The following COL6A2 variants were observed in gnomAD, a reference collection of about 807,000 sequenced individuals.
COL6A2 encodes the protein collagen type VI alpha 2 chain, also known as collagen alpha-2(VI) chain.
A neutral mutation model predicts 124.9 loss-of-function variants in COL6A2; 90 were observed. The observed-to-expected ratio is 0.72, with a 90% CI of 0.61 to 0.86. COL6A2 has a LOEUF of 0.86. Among genes scored for constraint, COL6A2 ranks in the 40% least tolerant of loss-of-function variants. COL6A2 has a pLI of 0.00. For missense variants in COL6A2, 1,607 were observed against 1,502.5 expected, an observed-to-expected ratio of 1.07 and a Z score of -1.15; for synonymous variants, 793 against 618.2, an observed-to-expected ratio of 1.28 and a Z score of -4.19.
In COL6A2 at chr21:46,132,618, C is replaced by T. The variant is rs568256520; in HGVS notation, c.*66C>T. ...CCCCGTCCATGGTGCTAAGCGGGCC[C>T]GGGTCCCACACGGCCAGCACCGCTG... On this transcript the variant is annotated 3_prime_UTR_variant, in exon 28 of 28. Coordinates refer to ENST00000300527, the MANE Select transcript of COL6A2 (RefSeq NM_001849.4). 1.1e-4 allele frequency: 156 copies of T among 1,450,310 alleles called. No individual in the cohort carries two copies. Among genetic ancestry groups the T allele is most frequent in the Non-Finnish European group, 1.4e-4 (144 of 1,066,572 alleles). 89.8% of individuals were successfully genotyped at this position (1,450,310 alleles called of 1,614,324 possible).
In COL6A2 at chr21:46,121,311, C is replaced by A. The variant is rs577166486; in HGVS notation, c.1458+188C>A. Reference sequence around the variant, plus strand: ...ATACCCACCCTCAGCCCCAGCCCCCCATCCTGCCCTGAAGGACCCAGGTTG... The same window carrying A: ...ATACCCACCCTCAGCCCCAGCCCCCAATCCTGCCCTGAAGGACCCAGGTTG... On this transcript the variant is annotated intron_variant, in intron 17 of 27. Coordinates refer to ENST00000300527, the MANE Select transcript of COL6A2 (RefSeq NM_001849.4). Among the ~76,000 whole-genome samples the A allele has an allele frequency of 5.9e-5, 9 of 152,324 alleles. No individual in the cohort carries two copies. The South Asian group carries it at 8.3e-4, about 14-fold the overall frequency.
intron 1 of COL6A2, among the ~76,000 whole-genome samples, chr21:46,100,365 AT>A (rs1364416449): frequency 3.3e-5 from 5 of 151,878 alleles, no homozygotes; most frequent in African/African-American, 1.2e-4. Context: ...TTTTTTATTG[AT>A]TTGAAAAAGC....
At chr21:46,113,122 C>T (rs780322177) in intron 4 of COL6A2, among the ~76,000 whole-genome samples, 22 of 152,288 alleles carry the variant, frequency 1.4e-4, no homozygotes, top group East Asian at 7.8e-4. Context: ...ACTCGAGGCC[C>T]GAGCCCAGCC....
intron 1 of COL6A2, among the ~76,000 whole-genome samples, chr21:46,109,131 G>A (rs2078367296): frequency 6.6e-6 from 1 of 152,054 alleles, no homozygotes. Flanking sequence ...AGGCCCTCGA[G>A]AGCGTGTCTC....
chr21:46,127,670 C>T lies in COL6A2; in HGVS notation c.2461+1129C>T, dbSNP rs182526406. Among the ~76,000 whole-genome samples the T allele has an allele frequency of 3.7e-3, 569 of 152,184 alleles. 2 individuals carry two copies. The highest frequency in any genetic ancestry group is 6.7e-3 in the Admixed American group (103 of 15,296). ...CGTTCCTGATGGGGCAGGGAAGTCT[C>T]GGGACCCCATGATGGGCGACATGGC... is the stretch of plus-strand genomic sequence containing the variant. On this transcript the variant is annotated intron_variant, in intron 27 of 27. Transcript: ENST00000300527.
chr21:46,129,389 C>A (rs373790588), intron 27 of COL6A2: 1 of 1,612,990 alleles, frequency 6.2e-7, no homozygotes. Context: ...AGTTCGCCAC[C>A]GGGGTAGAGC....
At chr21:46,121,488 G>T in intron 17 of COL6A2, 68 bp from the exon 18 acceptor site, 1 of 1,497,254 alleles carries the variant, frequency 6.7e-7, no homozygotes, top group Non-Finnish European at 9.3e-7. Flanking sequence ...GACGGGGCAT[G>T]TCAGGTGACC....
At chr21:46,098,308 G>C (rs1327057101) in intron 1 of COL6A2, 135 bp downstream of exon 1, 4 of 152,260 alleles carry the variant, frequency 2.6e-5, no homozygotes, top group African/African-American at 4.8e-5. Flanking sequence ...AGGGACGGCG[G>C]GGGGCTCGGC....
rs1222615509 is a variant in COL6A2, at chr21:46,119,870, C to T, written c.1332+20C>T. On this transcript the variant is annotated intron_variant, in intron 15 of 27. Coordinates refer to ENST00000300527, the MANE Select transcript of COL6A2 (RefSeq NM_001849.4). ...GAGAAGGTGAGTCCTCGTGTGGAGG[C>T]AGCCCAGGGTCTCACTGTGGTGCCC... The T allele has an allele frequency of 2.6e-6, 4 of 1,553,098 alleles. No individual in the cohort carries two copies. Among genetic ancestry groups the T allele is most frequent in the Admixed American group, 2.0e-5 (1 of 51,148 alleles).
intron 27 of COL6A2, 55 bp from the exon 28 acceptor site, chr21:46,131,899 T>G (rs1241492508): frequency 3.3e-6 from 5 of 1,495,356 alleles, no homozygotes; most frequent in Non-Finnish European, 4.5e-6. Flanking sequence ...GGCTGGCACC[T>G]GCCCGGTCCT....
intron 27 of COL6A2, chr21:46,129,323 C>T (rs1391360851): frequency 1.2e-6 from 2 of 1,612,810 alleles, no homozygotes; most frequent in Admixed American, 3.3e-5. Context: ...TCACGCAGGA[C>T]CCGGCCGCCT....
rs199513044 is a variant in COL6A2, at chr21:46,120,505, C to G, written c.1333-10C>G. The G allele has an allele frequency of 6.5e-4, 994 of 1,521,440 alleles. 1 individual carries two copies. The highest frequency in any genetic ancestry group is 6.6e-4 in the Non-Finnish European group (748 of 1,135,934). 94.2% of individuals were successfully genotyped at this position (1,521,440 alleles called of 1,614,324 possible). On this transcript the variant is annotated splice_polypyrimidine_tract_variant and intron_variant, in intron 15 of 27. Coordinates refer to ENST00000300527, the MANE Select transcript of COL6A2 (RefSeq NM_001849.4). ...CTGAGACCCGTGGGGCCTCCCTTCC[C>G]TTCCCACAGGGGGACCCTGGCCCTG...
rs1305067959 is a variant in COL6A2 at position 46,132,334 on chromosome 21, A to G, written c.2842A>G (p.Thr948Ala). The G allele has an allele frequency of 1.2e-6, 2 of 1,607,672 alleles. No individual in the cohort carries two copies. The highest frequency in any genetic ancestry group is 2.7e-5 in the African/African-American group (2 of 74,886). ...CGCAGAGCTGTCCTTCGTGTTCCTC[A>G]CGGACGGCGTCACGGGCAACGACAG... ...RHAELSFVFL[T>A]DGVTGNDSLH... The change falls in exon 28 of 28, where the codon ACG becomes GCG. Residue 948 changes from threonine to alanine, a missense_variant. Coordinates refer to ENST00000300527, the MANE Select transcript of COL6A2 (RefSeq NM_001849.4).
intron 27 of COL6A2, among the ~76,000 whole-genome samples, chr21:46,127,326 G>A (rs561324492): frequency 4.6e-5 from 7 of 152,248 alleles, no homozygotes; most frequent in Admixed American, 1.3e-4. Flanking sequence ...CGCGGGTCGC[G>A]GTGTGCGTTC....
intron 19 of COL6A2, 81 bp from the exon 20 acceptor site, chr21:46,122,415 G>C: frequency 6.3e-7 from 1 of 1,578,020 alleles, no homozygotes; most frequent in Non-Finnish European, 8.7e-7. Context: ...GAGGGAAACG[G>C]GGCTGCAGAA....
chr21:46,104,701 A>G (rs73159687), intron 1 of COL6A2, among the ~76,000 whole-genome samples: 7,590 of 152,342 alleles, frequency 0.05, 268 homozygotes, highest in Non-Finnish European at 0.082. Context: ...AGCTCCAAGC[A>G]GGATGAACTC....
chr21:46,111,366 C>T, intron 1 of COL6A2, 84 bp from the exon 2 acceptor site: 1 of 743,846 alleles, frequency 1.3e-6, no homozygotes, highest in Non-Finnish European at 2.3e-6. Context: ...ATCCCGCTGA[C>T]CTGCTGTGCG....
At chr21:46,120,063 C>T (rs1028079369) in intron 15 of COL6A2, among the ~76,000 whole-genome samples, 3 of 100,556 alleles carry the variant, frequency 3.0e-5, no homozygotes, top group East Asian at 6.6e-4. Context: ...AGGCACACCC[C>T]GCACAGCTGT....
Position 46,128,760 on chromosome 21 carries a change from G to A in COL6A2, c.2461+2219G>A. On this transcript the variant is annotated intron_variant, in intron 27 of 27. Transcript: ENST00000300527. ...AGGGGAAGACAGTTCTGGGTGTAGA[G>A]GACTCACATCCCAGAGAGGCTGAGG... The A allele has an allele frequency of 9.1e-6, 7 of 773,178 alleles. No individual in the cohort carries two copies. The Admixed American group carries it at 1.1e-4, about 12-fold the overall frequency. The allele number at this position is 773,178 out of a possible 1,614,324, so 47.9% of individuals were successfully genotyped here. A position where few individuals can be genotyped will look rare whatever the true frequency, so the allele number is the denominator to read the frequency against.
Sources: gnomAD v4.1 joint callset for allele counts (sites outside exome capture counted in the v4.1 genomes callset) on GRCh38, gnomAD v4.1.1 for gene constraint, MANE v1.5 for transcripts, NCBI Gene and HGNC (gene_info 2026-07-23, HGNC 2026-07-21) for gene names.